The following LINGO2 variants were observed in gnomAD, a reference collection of about 807,000 sequenced individuals.
LINGO2 encodes the protein leucine-rich repeat and immunoglobulin-like domain-containing nogo receptor-interacting protein 2.
A neutral mutation model predicts 30.6 loss-of-function variants in LINGO2; 14 were observed. That is an observed-to-expected ratio of 0.46 (90% CI 0.30 to 0.72). LINGO2 has a LOEUF of 0.72. Among genes scored for constraint, LINGO2 ranks in the 30% least tolerant of loss-of-function variants. The pLI is 0.07. For missense variants in LINGO2, 729 were observed against 751.7 expected (o/e 0.97, Z 0.35); for synonymous variants, 317 against 288.5 (o/e 1.10, Z -1.00).
intron 3 of LINGO2, 86 bp from the exon 6 acceptor site, chr9:28,295,452 A>G (rs1300053143): frequency 6.6e-6 from 1 of 152,598 alleles, no homozygotes; most frequent in East Asian, 1.9e-4. Flanking sequence ...CTTAATCAAT[A>G]AGGGAATCAT....
the LINGO2 span, among the ~76,000 whole-genome samples, chr9:28,921,728 T>C: frequency 6.6e-6 from 1 of 152,160 alleles, no homozygotes; most frequent in Non-Finnish European, 1.5e-5. Flanking sequence ...CCACATCCAC[T>C]CACCAGTTAT....
the LINGO2 span, among the ~76,000 whole-genome samples, chr9:28,904,904 A>G: frequency 2.0e-5 from 3 of 152,060 alleles, no homozygotes; most frequent in Non-Finnish European, 4.4e-5. Flanking sequence ...GAAGGAATGA[A>G]GCTTACTGGC....
At chr9:28,884,632 A>G in the LINGO2 span, among the ~76,000 whole-genome samples, 1 of 150,156 alleles carries the variant, frequency 6.7e-6, no homozygotes. Context: ...GTTTATACAT[A>G]AGTAAGTCAA....
chr9:28,264,444 T>C (rs1418938959), intron 4 of LINGO2, among the ~76,000 whole-genome samples: 1 of 152,008 alleles, frequency 6.6e-6, no homozygotes, highest in East Asian at 1.9e-4. Context: ...TTAATATAAA[T>C]CCATAAAGGC....
chr9:28,393,305 C>T (rs1821909607), intron 2 of LINGO2, among the ~76,000 whole-genome samples: 1 of 152,218 alleles, frequency 6.6e-6, no homozygotes, highest in South Asian at 2.1e-4. Context: ...TTAGTAAGCA[C>T]ACTTTGTATT....
the LINGO2 span, among the ~76,000 whole-genome samples, chr9:29,038,607 T>C: frequency 6.8e-6 from 1 of 146,430 alleles, no homozygotes; most frequent in Non-Finnish European, 1.5e-5. Flanking sequence ...ACATTAGAAA[T>C]GATCCCTAGC....
chr9:27,977,646 CAT>C (rs1165385916), intron 5 of LINGO2, among the ~76,000 whole-genome samples: 1 of 151,854 alleles, frequency 6.6e-6, no homozygotes, highest in Non-Finnish European at 1.5e-5. Flanking sequence ...TCACTATACA[CAT>C]GTTAAATATT....
At chr9:27,942,415 A>G in the LINGO2 span, 1 of 152,196 alleles carries the variant, frequency 6.6e-6, no homozygotes, top group African/African-American at 2.4e-5. Flanking sequence ...CTGAGATGTC[A>G]GATGCTTAAG....
chr9:27,984,733 G>A (rs1821043050), intron 5 of LINGO2, among the ~76,000 whole-genome samples: 1 of 151,922 alleles, frequency 6.6e-6, no homozygotes, highest in East Asian at 1.9e-4. Context: ...AGTAAGGTAA[G>A]GAGATTGGCT....
intron 4 of LINGO2, among the ~76,000 whole-genome samples, chr9:28,056,187 T>C (rs1385697815): frequency 6.6e-6 from 1 of 152,138 alleles, no homozygotes; most frequent in Admixed American, 6.6e-5. Flanking sequence ...GGCTGCTTAA[T>C]TGATAACAGG....
the LINGO2 span, among the ~76,000 whole-genome samples, chr9:28,727,173 A>G: frequency 6.6e-6 from 1 of 152,004 alleles, no homozygotes; most frequent in East Asian, 1.9e-4. Flanking sequence ...TTAAAATTAG[A>G]CTCTTAACCT....
chr9:28,868,842 G>C, the LINGO2 span, among the ~76,000 whole-genome samples: 3 of 152,172 alleles, frequency 2.0e-5, no homozygotes, highest in East Asian at 1.9e-4. Flanking sequence ...TGGTTTTGCA[G>C]ATGAAGATAG....
chr9:28,573,496 A>G (rs1389856113), intron 1 of LINGO2, among the ~76,000 whole-genome samples: 1 of 152,168 alleles, frequency 6.6e-6, no homozygotes, highest in Non-Finnish European at 1.5e-5. Flanking sequence ...AATTAAACAA[A>G]AATTCCCTGA....
the LINGO2 span, among the ~76,000 whole-genome samples, chr9:29,118,905 C>T: frequency 5.6e-4 from 86 of 152,240 alleles, 1 homozygote; most frequent in South Asian, 2.5e-3. Context: ...GTAACAGGTC[C>T]GCTGACCTCA....
intron 1 of LINGO2, among the ~76,000 whole-genome samples, chr9:28,660,629 G>A (rs1057204249): frequency 1.3e-5 from 2 of 151,994 alleles, no homozygotes; most frequent in African/African-American, 4.8e-5. Context: ...TCTCTGAGAA[G>A]TCAGAGAAAG....
At chr9:27,977,492 G>C (rs1228223507) in intron 5 of LINGO2, among the ~76,000 whole-genome samples, 1 of 151,852 alleles carries the variant, frequency 6.6e-6, no homozygotes, top group East Asian at 1.9e-4. Flanking sequence ...ACGACTCCCT[G>C]ACTACAAGTA....
intron 4 of LINGO2, among the ~76,000 whole-genome samples, chr9:28,213,041 G>A (rs1372596933): frequency 2.6e-5 from 4 of 151,414 alleles, no homozygotes; most frequent in Admixed American, 2.6e-4. Flanking sequence ...TTTTTTCATG[G>A]TCACTCTGAA....
chr9:28,049,833 G>A (rs570312185), intron 4 of LINGO2, among the ~76,000 whole-genome samples: 8 of 150,418 alleles, frequency 5.3e-5, no homozygotes, highest in South Asian at 2.1e-4. Context: ...AGGCTAAAGC[G>A]GTTGGACTCC....
chr9:29,176,508 A>T, the LINGO2 span, among the ~76,000 whole-genome samples: 1 of 152,218 alleles, frequency 6.6e-6, no homozygotes, highest in Admixed American at 6.5e-5. Context: ...TAGGACTAAG[A>T]GCATGGAGCT....
Sources: gnomAD v4.1 joint callset for allele counts (sites outside exome capture counted in the v4.1 genomes callset) on GRCh38, gnomAD v4.1.1 for gene constraint, MANE v1.5 for transcripts, NCBI Gene and HGNC (gene_info 2026-07-23, HGNC 2026-07-21) for gene names.